VNN2: variants seen among roughly 807,000 people sequenced by gnomAD.
VNN2 encodes vanin 2, also known as pantetheine hydrolase VNN2.
In VNN2, 43 loss-of-function variants were observed where a neutral mutation model predicts 43.0. That is an observed-to-expected ratio of 1.00 (90% CI 0.78 to 1.29). The LOEUF (loss-of-function observed/expected upper bound fraction) is 1.29. Ranked by LOEUF, VNN2 falls within the 50% of genes most tolerant of loss-of-function variation. The probability of loss-of-function intolerance (pLI) is 0.00; values close to 1 mark genes in which losing one functional copy is unlikely to be tolerated. For missense variants in VNN2, 652 were observed against 619.7 expected, an observed-to-expected ratio of 1.05 and a Z score of -0.55; for synonymous variants, 230 against 224.3, an observed-to-expected ratio of 1.03 and a Z score of -0.23.
intron 6 of VNN2, among the ~76,000 whole-genome samples, chr6:132,747,038 A>G (rs1779759396): frequency 6.6e-6 from 1 of 152,244 alleles, no homozygotes; most frequent in East Asian, 1.9e-4. Context: ...AATACAATCT[A>G]TATCTCATTT....
intron 2 of VNN2, among the ~76,000 whole-genome samples, 185 bp from the exon 3 acceptor site, chr6:132,756,220 C>CA (rs1780470657): frequency 6.6e-6 from 1 of 152,218 alleles, no homozygotes; most frequent in Admixed American, 6.5e-5. Context: ...CACACGGTAT[C>CA]TATTGCTCCA....
intron 6 of VNN2, among the ~76,000 whole-genome samples, chr6:132,745,610 C>T (rs1323906214): frequency 6.6e-6 from 1 of 152,120 alleles, no homozygotes; most frequent in South Asian, 2.1e-4. Context: ...TTGTTTTCTA[C>T]CTCAGAGAAG....
chr6:132,752,482 G>T lies in VNN2; in HGVS notation c.805C>A (p.His269Asn). ...GVNLLVANTH[H>N]VSLNMTGSGI... ...TTACCTGTCATATTTAGGCTGACAT[G>T]ATGTGTGTTGGCCACAAGAAGATTA... Residue 269 changes from histidine to asparagine, a missense_variant, in exon 4 of 7, where the codon CAT becomes AAT. By Grantham distance (68) the His-to-Asn change is moderately conservative. Coordinates refer to ENST00000326499, the MANE Select transcript of VNN2 (RefSeq NM_004665.6). 6.2e-7 allele frequency: 1 copy of T among 1,613,924 alleles called. No homozygotes were observed. The highest frequency in any genetic ancestry group is 1.7e-5 in the Admixed American group (1 of 60,000).
rs772758496 is a variant in VNN2 at position 132,757,515 on chromosome 6, G to T, written c.245C>A (p.Ala82Glu). 19 of 1,613,886 alleles carry T rather than the reference G, an allele frequency of 1.2e-5. No individual in the cohort carries two copies. In the African/African-American group the frequency reaches 2.1e-4, roughly 18 times the overall value. The part of the protein sequence containing the change: ...GARIIVTPED[A>E]LYGWKFTRET... ...CCTGGTAAATTTCCATCCATAAAGT[G>T]CATCTTCTGGAGTCACAATGATTCG... Residue 82 changes from alanine to glutamate, a missense_variant, in exon 2 of 7, where the codon GCA (alanine) becomes GAA (glutamate). Ala to Glu is a moderately radical substitution (Grantham distance 107). Coordinates refer to ENST00000326499, the MANE Select transcript of VNN2 (RefSeq NM_004665.6).
upstream of VNN2, among the ~76,000 whole-genome samples, chr6:132,759,196 G>A (rs139495682): frequency 4.6e-3 from 698 of 152,050 alleles, 4 homozygotes; most frequent in African/African-American, 0.016. Context: ...TAGCACTTTG[G>A]GAGGCCGAGG....
chr6:132,756,263 G>A (rs922220035), intron 2 of VNN2, among the ~76,000 whole-genome samples: 6 of 152,116 alleles, frequency 3.9e-5, no homozygotes, highest in African/African-American at 1.4e-4. Context: ...GCCTCATCAA[G>A]GGTCTCCTCT....
At chr6:132,753,263 G>T in intron 3 of VNN2, 1 of 254,554 alleles carries the variant, frequency 3.9e-6, no homozygotes. Context: ...CTGACCTCAT[G>T]ATCCACCCAC....
intron 3 of VNN2, 194 bp from the exon 4 acceptor site, chr6:132,752,943 T>C (rs955966575): frequency 1.8e-6 from 1 of 567,948 alleles, no homozygotes; most frequent in Admixed American, 3.4e-5. Context: ...GTCCATAGCA[T>C]CTCTCATCTC....
At chr6:132,758,040 T>TTCTTCTTCTTCTTCTTC (rs878967068), upstream of VNN2, 1 of 185,736 alleles carries the variant, frequency 5.4e-6, no homozygotes. Flanking sequence ...CTTCTTCTTC[T>TTCTTCTTCTTCTTCTTC]TTTTTTTTTT....
intron 3 of VNN2, chr6:132,753,492 C>A (rs1445981525): frequency 2.2e-6 from 1 of 454,772 alleles, no homozygotes; most frequent in Non-Finnish European, 4.4e-6. Context: ...TCTTGCCCAC[C>A]TTTCAAAATT....
At chr6:132,750,185 T>C (rs1779972187) in intron 5 of VNN2, among the ~76,000 whole-genome samples, 1 of 152,172 alleles carries the variant, frequency 6.6e-6, no homozygotes, top group African/African-American at 2.4e-5. Flanking sequence ...TGAAGAGTAC[T>C]GAAGCTGAAA....
intron 3 of VNN2, among the ~76,000 whole-genome samples, chr6:132,754,552 G>A (rs1780338755): frequency 6.6e-6 from 1 of 152,184 alleles, no homozygotes; most frequent in Non-Finnish European, 1.5e-5. Context: ...CAAAGATTCT[G>A]AGGCTACAGT....
chr6:132,752,493 G>A lies in VNN2; in HGVS notation c.794C>T (p.Ala265Val). Residue 265 changes from alanine (A) to valine (V), a missense_variant, in exon 4 of 7, where the codon GCC becomes GTC. Ala to Val is a moderately conservative substitution (Grantham distance 64, BLOSUM62 0). Transcript: ENST00000326499. The stretch of plus-strand genomic sequence containing the variant: ...ATTTAGGCTGACATGATGTGTGTTG[G>A]CCACAAGAAGATTAACTCCCATTCC... ...AMGMGVNLLV[A>V]NTHHVSLNMT... 1.2e-6 allele frequency: 2 copies of A among 1,614,024 alleles called. No homozygotes were observed. The highest frequency in any genetic ancestry group is 1.7e-6 in the Non-Finnish European group (2 of 1,179,978).
Position 132,757,475 on chromosome 6 carries a change from AGG to A in VNN2, c.283_284del (p.Pro95LeufsTer52). On this transcript the variant is annotated frameshift_variant, in exon 2 of 7. Transcript: ENST00000326499. LOFTEE classifies it high-confidence loss of function. ...GAGGGTCTGGGATATCCTCCAGATA[AGG>A]GAAAACAGTTTCCCTGGTAAATTTC... ...GWKFTRETVF[P>X]YLEDIPDPQV... 6.2e-7 allele frequency: 1 copy of A among 1,613,984 alleles called. No homozygotes were observed. Among genetic ancestry groups the A allele is most frequent in the Non-Finnish European group, 8.5e-7 (1 of 1,179,894 alleles).
At chr6:132,755,626 C>T (rs1780415736) in intron 3 of VNN2, among the ~76,000 whole-genome samples, 1 of 152,110 alleles carries the variant, frequency 6.6e-6, no homozygotes, top group Admixed American at 6.5e-5. Context: ...CCACCTGCCT[C>T]AGCCTCCCAA....
chr6:132,750,497 G>GTA (rs1554217694), intron 5 of VNN2, among the ~76,000 whole-genome samples: 26,611 of 104,098 alleles, frequency 0.26, 6,169 homozygotes, highest in African/African-American at 0.6. Flanking sequence ...TTGTATATGT[G>GTA]TATATATATA....
intron 6 of VNN2, among the ~76,000 whole-genome samples, chr6:132,747,168 C>T (rs1186633056): frequency 6.6e-6 from 1 of 152,050 alleles, no homozygotes; most frequent in Admixed American, 6.5e-5. Flanking sequence ...AAGAAGGAAC[C>T]AGAGATGGGA....
rs1391121492 is a variant in VNN2 at position 132,757,794 on chromosome 6, C to T, written c.90G>A (p.Val30=). The change falls in exon 1 of 7, where the codon GTG becomes GTA. Residue 30 remains valine (V), a synonymous_variant. Transcript: ENST00000326499. The part of the protein sequence containing the change: ...VGTQDSFIAA[V]YEHAVILPNK... ...TTGGCAAAATGACAGCATGTTCATA[C>T]ACTGCAGCTATAAAACTGTCCTGAG... 1.2e-6 allele frequency: 2 copies of T among 1,614,124 alleles called. No homozygotes were observed. The highest frequency in any genetic ancestry group is 8.5e-7 in the Non-Finnish European group (1 of 1,180,026).
intron 3 of VNN2, 35 bp from the exon 4 acceptor site, chr6:132,752,784 C>G (rs1289442100): frequency 6.4e-7 from 1 of 1,572,218 alleles, no homozygotes; most frequent in East Asian, 2.2e-5. Flanking sequence ...CCAGTAAAAC[C>G]TTATTTGTTG....
Sources: gnomAD v4.1 joint callset for allele counts (sites outside exome capture counted in the v4.1 genomes callset) on GRCh38, gnomAD v4.1.1 for gene constraint, MANE v1.5 for transcripts, NCBI Gene and HGNC (gene_info 2026-07-23, HGNC 2026-07-21) for gene names.